The following AFP variants were observed in gnomAD, a reference collection of about 807,000 sequenced individuals.
AFP encodes alpha-fetoprotein.
AFP carries 64 observed loss-of-function variants against 78.9 expected under a neutral mutation model. The ratio of observed to expected loss-of-function variants is 0.81; its 90% CI spans 0.66 to 1.00. The LOEUF (loss-of-function observed/expected upper bound fraction) is 1.00. AFP is among the 50% of genes least tolerant of loss of function. The pLI, the probability that AFP is intolerant of heterozygous loss-of-function variation, is 0.00. For synonymous variants in AFP, 254 were observed against 243.8 expected (o/e 1.04, Z -0.39); for missense variants, 689 against 703.8 (o/e 0.98, Z 0.24).
In AFP at chr4:73,444,146, A is replaced by G. The variant is rs571653413; in HGVS notation, c.713+702A>G. Among the ~76,000 whole-genome samples the G allele has an allele frequency of 4.0e-4, 61 of 152,268 alleles. No homozygotes were observed. The South Asian group carries it at 0.012, about 31-fold the overall frequency. Reference sequence around the variant, plus strand: ...GGAAATCTAGAATGAAGTTTTTAGTAATAGAATTAGTTCTAAAGACTGAAA... The same window carrying G: ...GGAAATCTAGAATGAAGTTTTTAGTGATAGAATTAGTTCTAAAGACTGAAA... On this transcript the variant is annotated intron_variant, in intron 6 of 14. Transcript: ENST00000395792.
At chr4:73,437,851 C>A (rs1719551416) in intron 2 of AFP, among the ~76,000 whole-genome samples, 1 of 151,716 alleles carries the variant, frequency 6.6e-6, no homozygotes, top group East Asian at 1.9e-4. Flanking sequence ...TTAAAAGTAA[C>A]CATAAAGAAT....
intron 3 of AFP, among the ~76,000 whole-genome samples, chr4:73,439,669 T>A (rs548346574): frequency 6.6e-6 from 1 of 152,324 alleles, no homozygotes; most frequent in South Asian, 2.1e-4. Flanking sequence ...AACACATGTA[T>A]TCCTCAGATG....
At chr4:73,448,928 A>G (rs181520621) in intron 8 of AFP, among the ~76,000 whole-genome samples, 5 of 152,102 alleles carry the variant, frequency 3.3e-5, no homozygotes, top group Non-Finnish European at 7.4e-5. Flanking sequence ...CTGAAATGAG[A>G]TGGCCTATTT....
At chr4:73,443,297 A>G in intron 5 of AFP, 50 bp from the exon 6 acceptor site, 1 of 1,372,854 alleles carries the variant, frequency 7.3e-7, no homozygotes, top group South Asian at 1.2e-5. Flanking sequence ...GAGCTTGTAA[A>G]GAAAATGTTA....
At chr4:73,454,030 T>G (rs1720089748) in intron 13 of AFP, 133 bp downstream of exon 13, 1 of 1,052,862 alleles carries the variant, frequency 9.5e-7, no homozygotes, top group Non-Finnish European at 1.4e-6. Context: ...AGAAGCAGAT[T>G]GAGGGATTCT....
chr4:73,453,847 T>C lies in AFP; in HGVS notation c.1735T>C (p.Leu579=). ...EAVIADFSGL[L]EKCCQGQEQE... The stretch of plus-strand genomic sequence containing the variant: ...TGTCATTGCAGATTTCTCAGGCCTG[T>C]TGGAGAAATGCTGCCAAGGCCAGGA... The change falls in exon 13 of 15, where the codon TTG becomes CTG. Residue 579 remains leucine, a synonymous_variant. Coordinates refer to ENST00000395792, the MANE Select transcript of AFP (RefSeq NM_001134.3). 6.2e-7 allele frequency: 1 copy of C among 1,613,808 alleles called. No homozygotes were observed.
chr4:73,442,151 C>A, intron 4 of AFP, 145 bp from the exon 5 acceptor site: 1 of 878,552 alleles, frequency 1.1e-6, no homozygotes, highest in East Asian at 2.7e-5. Context: ...TGATTTTCCC[C>A]TTAGGAACAC....
intron 7 of AFP, among the ~76,000 whole-genome samples, chr4:73,446,651 ATGATAAAGATGATTAT>A (rs1719837620): frequency 1.1e-3 from 1 of 896 alleles, no homozygotes. Context: ...TCTCCATGTT[ATGATAAAGATGATTAT>A]CATTCTTACG....
At position 73,449,337 on chromosome 4, in the gene AFP, T is replaced by G; in HGVS notation, c.1061T>G (p.Phe354Cys). The G allele has an allele frequency of 6.2e-7, 1 of 1,612,828 alleles. No homozygotes were observed. The highest frequency in any genetic ancestry group is 8.5e-7 in the Non-Finnish European group (1 of 1,179,244). Residue 354 changes from phenylalanine (F) to cysteine (C), a missense_variant and splice_region_variant, in exon 9 of 15, where the codon TTT becomes TGT. Coordinates refer to ENST00000395792, the MANE Select transcript of AFP (RefSeq NM_001134.3). ...SGEKNIFLASFVHEYSRRHPQ... is the reference protein window; with the variant it reads ...SGEKNIFLASCVHEYSRRHPQ... ...ATATTTTTCTCCACATATTTCAGTT[T>G]TGTTCATGAATATTCAAGAAGACAT...
intron 13 of AFP, among the ~76,000 whole-genome samples, chr4:73,454,921 A>T (rs564258547): frequency 5.3e-5 from 8 of 152,206 alleles, no homozygotes; most frequent in Non-Finnish European, 1.2e-4. Flanking sequence ...TATAGAGAAC[A>T]TGAACAAATA....
In AFP at chr4:73,455,998, A is replaced by G. The variant is rs1720148458; in HGVS notation, c.*378A>G. The G allele has an allele frequency of 2.2e-5, 5 of 229,938 alleles. No homozygotes were observed. In the South Asian group the frequency reaches 5.1e-4, roughly 23 times the overall value. The allele number at this position is 229,938 out of a possible 1,614,324, so 14.2% of individuals were successfully genotyped here. A position where few individuals can be genotyped will look rare whatever the true frequency, so the allele number is the denominator to read the frequency against. On this transcript the variant is annotated 3_prime_UTR_variant, in exon 15 of 15. Coordinates refer to ENST00000395792, the MANE Select transcript of AFP (RefSeq NM_001134.3). ...ATGCTACCAGGGCATTTTGTTTATT[A>G]AATGACCATCACTGAAGTATTCTAA...
chr4:73,439,091 A>C (rs1719591536), intron 3 of AFP, among the ~76,000 whole-genome samples: 1 of 152,186 alleles, frequency 6.6e-6, no homozygotes, highest in Non-Finnish European at 1.5e-5. Flanking sequence ...ACAACAAAAC[A>C]TAATACCCAG....
chr4:73,452,565 C>G lies in AFP; in HGVS notation c.1593C>G (p.Phe531Leu), dbSNP rs770891066. Residue 531 changes from phenylalanine to leucine, a missense_variant, in exon 12 of 15, where the codon TTC becomes TTG. Phe to Leu is a conservative substitution (Grantham distance 22). Coordinates refer to ENST00000395792, the MANE Select transcript of AFP (RefSeq NM_001134.3). Reference protein sequence around the residue: ...YVPPAFSDDKFIFHKDLCQAQ... With the variant: ...YVPPAFSDDKLIFHKDLCQAQ... The stretch of plus-strand genomic sequence containing the variant: ...CTCCTGCATTCTCTGATGACAAGTT[C>G]ATTTTCCATAAGGATCTGTGCCAAG... 6.2e-7 allele frequency: 1 copy of G among 1,614,052 alleles called. No homozygotes were observed. The highest frequency in any genetic ancestry group is 8.5e-7 in the Non-Finnish European group (1 of 1,179,978).
At chr4:73,448,466 C>A (rs1328758399) in intron 8 of AFP, among the ~76,000 whole-genome samples, 1 of 152,034 alleles carries the variant, frequency 6.6e-6, no homozygotes, top group African/African-American at 2.4e-5. Context: ...TTAATATTGC[C>A]TGAAGATATT....
At chr4:73,444,705 A>G (rs1481399280) in intron 6 of AFP, among the ~76,000 whole-genome samples, 3 of 152,214 alleles carry the variant, frequency 2.0e-5, no homozygotes, top group Non-Finnish European at 4.4e-5. Context: ...AATGCTCAGC[A>G]TAAGGGTTGA....
intron 13 of AFP, 114 bp downstream of exon 13, chr4:73,454,011 A>G (rs1720088668): frequency 1.5e-6 from 2 of 1,323,914 alleles, no homozygotes; most frequent in Non-Finnish European, 2.1e-6. Flanking sequence ...AGAGATTTAA[A>G]TTTCATTGAG....
At position 73,452,479 on chromosome 4, in the gene AFP, T is replaced by C; in HGVS notation, c.1507T>C (p.Ser503Pro). The C allele has an allele frequency of 1.9e-6, 3 of 1,614,126 alleles. No homozygotes were observed. Among genetic ancestry groups the C allele is most frequent in the Non-Finnish European group, 2.5e-6 (3 of 1,179,980 alleles). The change falls in exon 12 of 15, where the codon TCT (serine) becomes CCT (proline). Residue 503 changes from serine (S) to proline (P), a missense_variant. By Grantham distance (74) the Ser-to-Pro change is moderately conservative (BLOSUM62 -1). Transcript: ENST00000395792. ...CCCTGGTGTTGGCCAGTGCTGCACT[T>C]CTTCATATGCCAACAGGAGGCCATG... ...VNPGVGQCCT[S>P]SYANRRPCFS... is the part of the protein sequence containing the mutation.
intron 11 of AFP, among the ~76,000 whole-genome samples, chr4:73,451,744 A>T (rs139117218): frequency 1.3e-5 from 2 of 152,334 alleles, no homozygotes; most frequent in East Asian, 3.9e-4. Context: ...CTCATACGAC[A>T]GCTGTTTTAA....
Position 73,450,434 on chromosome 4 carries a change from T to C in AFP, c.1290-181T>C. ...TTGTGATATGCTTCTATAATAGGAG[T>C]ACAGGGAGTGGTTGTTAGAGTAAAT... On this transcript the variant is annotated intron_variant, in intron 10 of 14. Transcript: ENST00000395792. The C allele has an allele frequency of 3.8e-6, 3 of 792,114 alleles. No homozygotes were observed. In the South Asian group the frequency reaches 5.1e-5, roughly 14 times the overall value. 49.1% of individuals were successfully genotyped at this position (792,114 alleles called of 1,614,324 possible). A position where few individuals can be genotyped will look rare whatever the true frequency, so the allele number is the denominator to read the frequency against.
Sources: allele counts gnomAD v4.1 joint callset (sites outside exome capture counted in the v4.1 genomes callset), GRCh38; gene constraint gnomAD v4.1.1; transcripts MANE v1.5; gene names NCBI Gene and HGNC (gene_info 2026-07-23, HGNC 2026-07-21).